The following SH3TC1 variants were observed in gnomAD, a reference collection of about 807,000 sequenced individuals.
SH3TC1 encodes SH3 domain and tetratricopeptide repeats 1, also known as SH3 domain and tetratricopeptide repeat-containing protein 1.
A neutral mutation model predicts 117.3 loss-of-function variants in SH3TC1; 135 were observed. The observed-to-expected ratio is 1.15, with a 90% CI of 1.00 to 1.33. The LOEUF (loss-of-function observed/expected upper bound fraction) is 1.33, where lower values mean the gene tolerates loss of function less well. Among genes scored for constraint, SH3TC1 ranks in the 40% most tolerant of loss-of-function variants. SH3TC1 has a pLI of 0.00. For synonymous variants in SH3TC1, 898 were observed against 816.9 expected (o/e 1.10, Z -1.69); for missense variants, 2,092 against 1,794.3 (o/e 1.17, Z -3.00).
Position 8,228,536 on chromosome 4 carries a change from G to C in SH3TC1, c.2842G>C (p.Val948Leu), listed in dbSNP as rs771361930. 6.2e-7 allele frequency: 1 copy of C among 1,610,858 alleles called. No individual in the cohort carries two copies. The highest frequency in any genetic ancestry group is 1.3e-5 in the African/African-American group (1 of 74,942). ...GGAGTGTGGCCGGGACTTCACCCAC[G>C]TGCTCCTGCAGCTGGGCCATCTCTG... is the stretch of plus-strand genomic sequence containing the variant. Reference protein sequence around the residue: ...LGECGRDFTHVLLQLGHLCTR... With the variant: ...LGECGRDFTHLLLQLGHLCTR... Residue 948 changes from valine (V) to leucine (L), a missense_variant, in exon 12 of 18, where the codon GTG (valine) becomes CTG (leucine). Physicochemically the swap from Val to Leu is conservative, Grantham distance 32 (BLOSUM62 1). Transcript: ENST00000245105.
chr4:8,228,630 T>C lies in SH3TC1; in HGVS notation c.2936T>C (p.Met979Thr). Reference sequence around the variant, plus strand: ...TGGGCCCTTCTGGTCGCCGTGGAGATGGGCCACGTGGAGAGTGAGTGCCCC... The same window carrying C: ...TGGGCCCTTCTGGTCGCCGTGGAGACGGGCCACGTGGAGAGTGAGTGCCCC... ...YEWALLVAVE[M>T]GHVESQLRAV... Residue 979 changes from methionine (M) to threonine (T), a missense_variant, in exon 12 of 18, where the codon ATG becomes ACG. Transcript: ENST00000245105. The C allele has an allele frequency of 6.6e-7, 1 of 1,507,068 alleles. No individual in the cohort carries two copies. Among genetic ancestry groups the C allele is most frequent in the East Asian group, 2.3e-5 (1 of 42,686 alleles). 93.4% of individuals were successfully genotyped at this position (1,507,068 alleles called of 1,614,324 possible).
In SH3TC1 at chr4:8,227,252, G is replaced by A. The variant is rs138720910; in HGVS notation, c.1558G>A (p.Asp520Asn). ...GYKASFRGLY[D>N]VALPWLSSVF... The stretch of plus-strand genomic sequence containing the variant: ...CAAGGCCAGCTTCCGTGGCCTGTAC[G>A]ATGTGGCGCTGCCGTGGCTGAGCAG... Residue 520 changes from aspartate (D) to asparagine (N), a missense_variant, in exon 12 of 18, where the codon GAT (aspartate) becomes AAT (asparagine). By Grantham distance (23) the Asp-to-Asn change is conservative. Transcript: ENST00000245105. 175 of 1,596,618 alleles carry A rather than the reference G, an allele frequency of 1.1e-4. No individual in the cohort carries two copies. The African/African-American group carries it at 2.0e-3, about 18-fold the overall frequency.
At chr4:8,198,922 CATGT>C (rs1320767853), upstream of SH3TC1, among the ~76,000 whole-genome samples, 1 of 152,094 alleles carries the variant, frequency 6.6e-6, no homozygotes, top group Non-Finnish European at 1.5e-5. Context: ...TGTGTGCATG[CATGT>C]ATGTGTGCAG....
Position 8,225,306 on chromosome 4 carries a change from G to T in SH3TC1, c.1285+90G>T. ...GAGGTGACAAAGCTGAGCACGGTGG[G>T]CATTGGGTGCGGCTGTCACCCCTCT... On this transcript the variant is annotated intron_variant, in intron 11 of 17. Transcript: ENST00000245105. The surrounding 1 kb of genome is among the most constrained non-coding windows in gnomAD (Gnocchi z 5.5). 4 of 1,434,608 alleles carry T rather than the reference G, an allele frequency of 2.8e-6. No individual in the cohort carries two copies. Among genetic ancestry groups the T allele is most frequent in the Non-Finnish European group, 3.8e-6 (4 of 1,040,622 alleles). 88.9% of individuals were successfully genotyped at this position (1,434,608 alleles called of 1,614,324 possible).
chr4:8,191,164 T>C (rs1474769190), intron 1 of SH3TC1, among the ~76,000 whole-genome samples: 1 of 152,184 alleles, frequency 6.6e-6, no homozygotes, highest in Non-Finnish European at 1.5e-5. Context: ...AGCACTGTGC[T>C]AAGGAGTCTC....
chr4:8,188,621 G>A (rs1465434507), intron 1 of SH3TC1, among the ~76,000 whole-genome samples: 1 of 152,240 alleles, frequency 6.6e-6, no homozygotes, highest in African/African-American at 2.4e-5. Flanking sequence ...TACCCTTGGT[G>A]AGCAGGGGAG....
rs537557051 is a variant in SH3TC1 at position 8,191,583 on chromosome 4, C to T, written c.-57+9373C>T. On this transcript the variant is annotated intron_variant, in intron 1 of 16. Transcript: ENST00000508641. ...AATAGGGCACCGTCCTAGCCCTTTC[C>T]GGGGGATGACTCATCATGCTACCAT... 6.8e-4 allele frequency among the ~76,000 whole-genome samples: 103 copies of T among 152,264 alleles called. 2 individuals carry two copies. In the Middle Eastern group the frequency reaches 0.027, roughly 40 times the overall value.
chr4:8,223,065 C>G, intron 10 of SH3TC1, 95 bp downstream of exon 10: 2 of 1,478,804 alleles, frequency 1.4e-6, no homozygotes, highest in Middle Eastern at 2.5e-4. Context: ...AGTGCCAGCC[C>G]CTGGATGCTG....
In SH3TC1 at chr4:8,182,602, G is replaced by A. The variant is rs540160680; in HGVS notation, c.-57+392G>A. Among the ~76,000 whole-genome samples, 4 of 152,284 alleles carry A rather than the reference G, an allele frequency of 2.6e-5. No individual in the cohort carries two copies. In the South Asian group the frequency reaches 8.3e-4, roughly 32 times the overall value. ...TGGCCAGGGGTTCTGATCCCAGCTT[G>A]CCACTGAGTGATTCCACCCTCCGTG... On this transcript the variant is annotated intron_variant, in intron 1 of 16. Transcript: ENST00000508641.
Position 8,205,894 on chromosome 4 carries a change from C to A in SH3TC1, c.172+528C>A. 1.8e-6 allele frequency: 1 copy of A among 547,820 alleles called. No homozygotes were observed. The highest frequency in any genetic ancestry group is 3.2e-5 in the Admixed American group (1 of 31,538). The allele number at this position is 547,820 out of a possible 1,614,324, so 33.9% of individuals were successfully genotyped here. On this transcript the variant is annotated intron_variant, in intron 2 of 17. Coordinates refer to ENST00000245105, the MANE Select transcript of SH3TC1 (RefSeq NM_018986.5). This position sits in a 1 kb window ranked among gnomAD's most constrained non-coding sequence, Gnocchi z 5.4. ...TCCCCTCTTACCCCCATCCTGAGAC[C>A]CTGAAGGGGACGAGGGGAGAGGCAG...
At position 8,232,154 on chromosome 4, in the gene SH3TC1, G is replaced by C; in HGVS notation, c.3129G>C (p.Glu1043Asp). ...ISQLYLSLGT[E>D]RAYKSALDYT... Reference sequence around the variant, plus strand: ...AGCTCTACCTGTCCCTGGGCACCGAGCGGTGAGGGCTGGCTCTGTGGTGGT... The same window carrying C: ...AGCTCTACCTGTCCCTGGGCACCGACCGGTGAGGGCTGGCTCTGTGGTGGT... The change falls in exon 13 of 18, where the codon GAG becomes GAC. Residue 1043 changes from glutamate to aspartate, a missense_variant and splice_region_variant. Physicochemically the swap from Glu to Asp is conservative, Grantham distance 45. Transcript: ENST00000245105. 1 of 1,403,308 alleles carries C rather than the reference G, an allele frequency of 7.1e-7. No homozygotes were observed. Among genetic ancestry groups the C allele is most frequent in the East Asian group, 3.9e-5 (1 of 25,900 alleles). The allele number at this position is 1,403,308 out of a possible 1,614,324, so 86.9% of individuals were successfully genotyped here.
chr4:8,225,503 C>T lies in SH3TC1; in HGVS notation c.1285+287C>T, dbSNP rs1308622157. On this transcript the variant is annotated intron_variant, in intron 11 of 17. Coordinates refer to ENST00000245105, the MANE Select transcript of SH3TC1 (RefSeq NM_018986.5). The surrounding 1 kb of genome is among the most constrained non-coding windows in gnomAD (Gnocchi z 5.5). ...TTCCACTGCTTGGGTCCACTTGTAG[C>T]TGTGGGTTCCTTTCTCATGACCTGG... 6.6e-6 allele frequency among the ~76,000 whole-genome samples: 1 copy of T among 152,164 alleles called. No homozygotes were observed. Among genetic ancestry groups the T allele is most frequent in the East Asian group, 1.9e-4 (1 of 5,182 alleles).
chr4:8,212,403 G>A (rs938918030), intron 3 of SH3TC1, among the ~76,000 whole-genome samples: 7 of 152,194 alleles, frequency 4.6e-5, no homozygotes, highest in Non-Finnish European at 7.3e-5. Context: ...CCATCTGTGC[G>A]CAGTGGTTTC....
rs1719358951 is a variant in SH3TC1 at position 8,217,058 on chromosome 4, C to A, written c.730C>A (p.Pro244Thr). ...PQALRQASGAPQGEAAPETDS... is the reference protein window; with the variant it reads ...PQALRQASGATQGEAAPETDS... ...GGCCCTCAGGCAGGCTTCGGGGGCA[C>A]CCCAGGGAGAGGCGGCCCCGGAAAC... is the stretch of plus-strand genomic sequence containing the variant. The change falls in exon 7 of 18, where the codon CCC becomes ACC. Residue 244 changes from proline to threonine, a missense_variant. Pro to Thr is a conservative substitution (Grantham distance 38). Coordinates refer to ENST00000245105, the MANE Select transcript of SH3TC1 (RefSeq NM_018986.5). 6.2e-7 allele frequency: 1 copy of A among 1,612,878 alleles called. No homozygotes were observed. Among genetic ancestry groups the A allele is most frequent in the Non-Finnish European group, 8.5e-7 (1 of 1,179,564 alleles).
Position 8,241,091 on chromosome 4 carries a change from T to G in SH3TC1, c.*136T>G. ...AATAGCAATAAATGGGTTTTGTTTTTTTTTTGCAATAACTTATTGAAGTCA... is the reference window on the plus strand; with the variant it reads ...AATAGCAATAAATGGGTTTTGTTTTGTTTTTGCAATAACTTATTGAAGTCA... On this transcript the variant is annotated 3_prime_UTR_variant, in exon 18 of 18. Transcript: ENST00000245105. 1 of 1,285,966 alleles carries G rather than the reference T, an allele frequency of 7.8e-7. No individual in the cohort carries two copies. Among genetic ancestry groups the G allele is most frequent in the South Asian group, 1.5e-5 (1 of 65,324 alleles). 79.7% of individuals were successfully genotyped at this position (1,285,966 alleles called of 1,614,324 possible).
Position 8,205,721 on chromosome 4 carries a change from A to C in SH3TC1, c.172+355A>C, listed in dbSNP as rs1718152875. 1 of 694,526 alleles carries C rather than the reference A, an allele frequency of 1.4e-6. No homozygotes were observed. Among genetic ancestry groups the C allele is most frequent in the Non-Finnish European group, 2.7e-6 (1 of 376,616 alleles). 43.0% of individuals were successfully genotyped at this position (694,526 alleles called of 1,614,324 possible). On this transcript the variant is annotated intron_variant, in intron 2 of 17. Transcript: ENST00000245105. This position sits in a 1 kb window ranked among gnomAD's most constrained non-coding sequence, Gnocchi z 5.4. The stretch of plus-strand genomic sequence containing the variant: ...GGAACCCCTGAGAGTCCTCAGGATG[A>C]GGCATCCTCGTTCTCCAGGAGGCAC...
In SH3TC1 at chr4:8,205,971, G is replaced by T. The variant is rs975839512; in HGVS notation, c.172+605G>T. ...CCCGGCAGGAGACAGCTGCGGTTGT[G>T]ACCCGTCCCTGGGCCTCGTCCTCCC... On this transcript the variant is annotated intron_variant, in intron 2 of 17. Transcript: ENST00000245105. This position sits in a 1 kb window ranked among gnomAD's most constrained non-coding sequence, Gnocchi z 5.4. 2.4e-6 allele frequency: 1 copy of T among 415,040 alleles called. No homozygotes were observed. The highest frequency in any genetic ancestry group is 4.3e-6 in the Non-Finnish European group (1 of 230,016). The allele number at this position is 415,040 out of a possible 1,614,324, so 25.7% of individuals were successfully genotyped here.
intron 1 of SH3TC1, among the ~76,000 whole-genome samples, chr4:8,187,087 G>C (rs1395221085): frequency 6.6e-6 from 1 of 152,134 alleles, no homozygotes; most frequent in Non-Finnish European, 1.5e-5. Flanking sequence ...CCTCCAGGAA[G>C]CCTTCCCTGA....
intron 1 of SH3TC1, among the ~76,000 whole-genome samples, chr4:8,191,509 C>G (rs114810833): frequency 6.6e-6 from 1 of 152,308 alleles, no homozygotes; most frequent in Non-Finnish European, 1.5e-5. Flanking sequence ...GATCAGGGGC[C>G]GGTTTCAGCA....
Sources: allele counts gnomAD v4.1 joint callset (sites outside exome capture counted in the v4.1 genomes callset), GRCh38; gene constraint gnomAD v4.1.1; non-coding constraint Gnocchi (gnomAD v3.1); transcripts MANE v1.5; gene names NCBI Gene and HGNC (gene_info 2026-07-23, HGNC 2026-07-21).